The following TMEM117 variants were observed in gnomAD, a reference collection of about 807,000 sequenced individuals.
TMEM117 encodes the protein transmembrane protein 117.
In TMEM117, 27 loss-of-function variants were observed where a neutral mutation model predicts 52.4. The observed-to-expected ratio is 0.51, with a 90% CI of 0.38 to 0.71. TMEM117 has a LOEUF of 0.71. Among genes scored for constraint, TMEM117 ranks in the 30% least tolerant of loss-of-function variants. TMEM117 has a pLI of 0.00. For synonymous variants in TMEM117, 215 were observed against 206.3 expected (o/e 1.04, Z -0.36); for missense variants, 556 against 630.5 (o/e 0.88, Z 1.26).
intron 2 of TMEM117, among the ~76,000 whole-genome samples, chr12:43,934,931 T>C (rs1015351244): frequency 6.6e-6 from 1 of 152,214 alleles, no homozygotes; most frequent in Non-Finnish European, 1.5e-5. Context: ...GTGTAGTTTG[T>C]TAGATAACTT....
chr12:43,962,793 C>T (rs1444703529), intron 3 of TMEM117, among the ~76,000 whole-genome samples: 3 of 151,882 alleles, frequency 2.0e-5, no homozygotes, highest in East Asian at 3.9e-4. Flanking sequence ...CCAGGCATGG[C>T]GGCGGGCGCC....
chr12:44,224,504 T>A (rs1367601606), intron 5 of TMEM117, among the ~76,000 whole-genome samples: 1 of 151,878 alleles, frequency 6.6e-6, no homozygotes, highest in Non-Finnish European at 1.5e-5. Context: ...GCTTTCTTTG[T>A]CTTCTTCTTC....
chr12:43,939,283 T>C (rs1945006376), intron 2 of TMEM117, among the ~76,000 whole-genome samples: 1 of 152,168 alleles, frequency 6.6e-6, no homozygotes, highest in South Asian at 2.1e-4. Context: ...GGCCAAATCA[T>C]ATATAGGTTT....
At chr12:44,142,774 G>A (rs990391529) in intron 3 of TMEM117, among the ~76,000 whole-genome samples, 2 of 152,050 alleles carry the variant, frequency 1.3e-5, no homozygotes, top group African/African-American at 4.8e-5. Context: ...AATAGGGCGA[G>A]TTATGTGATC....
chr12:43,915,676 C>A (rs1434019316), intron 2 of TMEM117, among the ~76,000 whole-genome samples: 1 of 150,456 alleles, frequency 6.6e-6, no homozygotes, highest in Non-Finnish European at 1.5e-5. Context: ...ATAGAGAAGG[C>A]TTGTTTCTAT....
the TMEM117 span, chr12:43,802,403 G>C: frequency 5.0e-6 from 8 of 1,606,346 alleles, no homozygotes; most frequent in Admixed American, 1.7e-5. Flanking sequence ...GTAAAACAAA[G>C]GAATCATAAT....
chr12:44,188,685 C>T (rs912203633), intron 4 of TMEM117, among the ~76,000 whole-genome samples: 4 of 152,100 alleles, frequency 2.6e-5, no homozygotes, highest in African/African-American at 9.7e-5. Context: ...ACCCCAAGTA[C>T]AATTGCAACC....
intron 5 of TMEM117, among the ~76,000 whole-genome samples, chr12:44,217,852 T>G (rs535218479): frequency 1.3e-5 from 2 of 152,216 alleles, no homozygotes; most frequent in Non-Finnish European, 2.9e-5. Context: ...TTCAATTGTG[T>G]TAGTCCTTCT....
chr12:44,173,466 G>A (rs954774570), intron 4 of TMEM117, among the ~76,000 whole-genome samples: 1 of 149,846 alleles, frequency 6.7e-6, no homozygotes, highest in Non-Finnish European at 1.5e-5. Flanking sequence ...TTTACAGTTG[G>A]GGGCCATTTG....
intron 2 of TMEM117, among the ~76,000 whole-genome samples, chr12:43,912,065 C>G (rs10880583): frequency 1.5e-5 from 2 of 132,890 alleles, no homozygotes; most frequent in African/African-American, 5.2e-5. Flanking sequence ...TATTGTGGCA[C>G]TATTCACAAT....
intron 3 of TMEM117, among the ~76,000 whole-genome samples, chr12:44,026,563 A>G (rs569526131): frequency 2.6e-5 from 4 of 152,236 alleles, no homozygotes; most frequent in Admixed American, 6.5e-5. Flanking sequence ...TGTAGCATTT[A>G]TTATGATTTA....
intron 5 of TMEM117, among the ~76,000 whole-genome samples, chr12:44,251,647 T>C (rs964178902): frequency 6.6e-6 from 1 of 152,174 alleles, no homozygotes; most frequent in Admixed American, 6.5e-5. Context: ...CACAGAATAA[T>C]TGGAAATATC....
intron 3 of TMEM117, among the ~76,000 whole-genome samples, chr12:43,951,861 A>G (rs1351479473): frequency 6.6e-6 from 1 of 152,190 alleles, no homozygotes; most frequent in African/African-American, 2.4e-5. Context: ...TCCAAACAGG[A>G]GTCAGCAGAC....
At chr12:43,938,944 G>A (rs1226202682) in intron 2 of TMEM117, among the ~76,000 whole-genome samples, 1 of 151,630 alleles carries the variant, frequency 6.6e-6, no homozygotes, top group Non-Finnish European at 1.5e-5. Flanking sequence ...AGGTTGCAGT[G>A]AGCCGAGATT....
chr12:44,310,890 G>A (rs1950965711), intron 6 of TMEM117, among the ~76,000 whole-genome samples: 1 of 152,080 alleles, frequency 6.6e-6, no homozygotes, highest in Admixed American at 6.6e-5. Flanking sequence ...GATTCTGCCT[G>A]GAAATACGAG....
intron 3 of TMEM117, among the ~76,000 whole-genome samples, chr12:43,996,470 T>C (rs529266280): frequency 4.6e-5 from 7 of 152,066 alleles, no homozygotes; most frequent in Admixed American, 6.6e-5. Context: ...GGTGAAACCC[T>C]GTCTCTACTA....
chr12:44,312,137 A>T (rs1950998515), intron 6 of TMEM117, among the ~76,000 whole-genome samples: 1 of 151,774 alleles, frequency 6.6e-6, no homozygotes, highest in Non-Finnish European at 1.5e-5. Context: ...GCTGATGTTG[A>T]TGAATGATCC....
chr12:44,237,266 C>T (rs183018152), intron 5 of TMEM117, among the ~76,000 whole-genome samples: 12 of 151,938 alleles, frequency 7.9e-5, no homozygotes, highest in Middle Eastern at 3.5e-3. Flanking sequence ...ATGTGACAGA[C>T]GTCATTTCTT....
At chr12:44,197,670 ACT>A (rs1442069486) in intron 4 of TMEM117, among the ~76,000 whole-genome samples, 2 of 152,108 alleles carry the variant, frequency 1.3e-5, no homozygotes, top group African/African-American at 4.8e-5. Context: ...ACTTTTTGAA[ACT>A]CTGCAGAACT....
Sources: allele counts gnomAD v4.1 joint callset (sites outside exome capture counted in the v4.1 genomes callset), GRCh38; gene constraint gnomAD v4.1.1; transcripts MANE v1.5; gene names NCBI Gene and HGNC (gene_info 2026-07-23, HGNC 2026-07-21).